Variants in DMD observed in about 807,000 individuals in gnomAD.
DMD encodes mutant dystrophin.
A neutral mutation model predicts 330.1 loss-of-function variants in DMD; 63 were observed. The ratio of observed to expected loss-of-function variants is 0.19; its 90% CI spans 0.16 to 0.24. The LOEUF is 0.24. Ranked by LOEUF, DMD falls within the 10% of genes least tolerant of loss-of-function variation. The probability of loss-of-function intolerance (pLI) is 1.00; values close to 1 mark genes in which losing one functional copy is unlikely to be tolerated. For synonymous variants in DMD, 1,223 were observed against 959.8 expected (o/e 1.27, Z -5.07); for missense variants, 3,344 against 2,684.1 (o/e 1.25, Z -5.43).
intron 76 of DMD, among the ~76,000 whole-genome samples, chrX:31,136,561 T>A (rs947514026): frequency 2.7e-5 from 3 of 111,763 alleles, no homozygotes; most frequent in African/African-American, 9.8e-5. Flanking sequence ...CCTCACTGAA[T>A]AAATCAGAAC....
At chrX:32,052,323 A>G (rs954857096) in intron 44 of DMD, among the ~76,000 whole-genome samples, 2 of 110,885 alleles carry the variant, frequency 1.8e-5, no homozygotes, top group African/African-American at 6.5e-5. Context: ...CTTGACCCCA[A>G]ATGAATCTTA....
chrX:31,190,863 A>G (rs904126753), intron 67 of DMD, among the ~76,000 whole-genome samples: 2 of 111,514 alleles, frequency 1.8e-5, no homozygotes, highest in Non-Finnish European at 3.8e-5. Flanking sequence ...GACTTCCCTG[A>G]GAGTCCTGCA....
At chrX:32,492,369 A>G (rs138738316) in intron 19 of DMD, among the ~76,000 whole-genome samples, 277 of 112,565 alleles carry the variant, frequency 2.5e-3, no homozygotes, top group African/African-American at 8.5e-3. Context: ...AAGAAAAACA[A>G]GTACTAGGAA....
At chrX:31,381,617 G>C (rs1302137926) in intron 60 of DMD, among the ~76,000 whole-genome samples, 2 of 110,696 alleles carry the variant, frequency 1.8e-5, no homozygotes, top group Non-Finnish European at 3.8e-5. Context: ...CTGTATCTCT[G>C]ATCCACCAGA....
intron 77 of DMD, among the ~76,000 whole-genome samples, chrX:31,129,863 A>AT (rs1251292546): frequency 8.9e-6 from 1 of 112,043 alleles, no homozygotes; most frequent in East Asian, 2.8e-4. Context: ...TAAGATTTTA[A>AT]TTTTAAAAGA....
intron 56 of DMD, among the ~76,000 whole-genome samples, chrX:31,503,077 T>A (rs895615517): frequency 8.9e-6 from 1 of 112,089 alleles, no homozygotes; most frequent in African/African-American, 3.2e-5. Flanking sequence ...TAATAATGCA[T>A]GTGGAATGAT....
chrX:32,375,985 A>T (rs1262270595), intron 34 of DMD, among the ~76,000 whole-genome samples: 1 of 111,666 alleles, frequency 9.0e-6, no homozygotes, highest in African/African-American at 3.3e-5. Context: ...TGGCCAGTGT[A>T]AGAAACTCTT....
intron 1 of DMD, among the ~76,000 whole-genome samples, chrX:33,217,134 C>T (rs1159916770): frequency 1.8e-5 from 2 of 111,162 alleles, no homozygotes; most frequent in Non-Finnish European, 3.8e-5. Context: ...CCACAGTGAT[C>T]CATATTGGTT....
At chrX:31,672,398 A>G (rs73455993) in intron 53 of DMD, among the ~76,000 whole-genome samples, 2,054 of 112,076 alleles carry the variant, frequency 0.018, 50 homozygotes, top group African/African-American at 0.063. Context: ...CGCTGTATAG[A>G]TATCTGTTAG....
chrX:32,698,045 C>G (rs765672366), intron 8 of DMD, 47 bp from the exon 9 acceptor site: 1 of 1,144,553 alleles, frequency 8.7e-7, no homozygotes, highest in Non-Finnish European at 1.2e-6. Context: ...GGGGGAAAAA[C>G]CATAAGTAAC....
chrX:31,792,864 G>A (rs2091641054), intron 50 of DMD, among the ~76,000 whole-genome samples: 1 of 111,834 alleles, frequency 8.9e-6, no homozygotes, highest in African/African-American at 3.3e-5. Context: ...CTTTTCACAG[G>A]AGGCAGCTGC....
Position 31,449,763 on chromosome X carries a change from G to GATATATATAT in DMD, c.8938-5146_8938-5137dup, listed in dbSNP as rs59787771. Among the ~76,000 whole-genome samples, 219 of 62,417 alleles carry GATATATATAT rather than the reference G, an allele frequency of 3.5e-3. 1 individual carries two copies. The highest frequency in any genetic ancestry group is 5.1e-3 in the Admixed American group (25 of 4,903). 54.2% of individuals were successfully genotyped at this position (62,417 alleles called of 115,157 possible). A position where few individuals can be genotyped will look rare whatever the true frequency, so the allele number is the denominator to read the frequency against. ...TTATGAGTTTATTTATAAATGGTGT[G>GATATATATAT]ATATATATATATATATATATATATA... On this transcript the variant is annotated intron_variant, in intron 59 of 78. Transcript: ENST00000357033.
intron 29 of DMD, among the ~76,000 whole-genome samples, chrX:32,431,410 T>C (rs937155187): frequency 1.8e-5 from 2 of 111,241 alleles, no homozygotes; most frequent in African/African-American, 6.5e-5. Context: ...CATTTTTAAA[T>C]TGGGTTATAT....
intron 13 of DMD, among the ~76,000 whole-genome samples, chrX:32,575,746 T>C (rs186246802): frequency 8.9e-6 from 1 of 112,026 alleles, no homozygotes; most frequent in African/African-American, 3.2e-5. Flanking sequence ...AACTACACCA[T>C]CTACCTGACG....
intron 7 of DMD, among the ~76,000 whole-genome samples, chrX:32,770,075 C>A (rs774455887): frequency 1.8e-5 from 2 of 111,667 alleles, no homozygotes; most frequent in African/African-American, 6.5e-5. Flanking sequence ...GTTGGTGTAA[C>A]TGAAGGTTAG....
intron 41 of DMD, among the ~76,000 whole-genome samples, chrX:32,330,441 T>A (rs1212223369): frequency 8.9e-6 from 1 of 111,881 alleles, no homozygotes; most frequent in East Asian, 2.8e-4. Context: ...GATTCACAGA[T>A]GGTGCAAGTG....
At chrX:32,686,386 C>T (rs1271300852) in intron 9 of DMD, among the ~76,000 whole-genome samples, 5 of 109,002 alleles carry the variant, frequency 4.6e-5, no homozygotes, top group Non-Finnish European at 9.5e-5. Context: ...GGGGAAACCT[C>T]GTCTCTACTG....
At chrX:32,614,108 G>A (rs2057381581) in intron 12 of DMD, among the ~76,000 whole-genome samples, 195 bp downstream of exon 12, 1 of 110,780 alleles carries the variant, frequency 9.0e-6, no homozygotes, top group African/African-American at 3.3e-5. Context: ...ACAATCACCT[G>A]AATTTTGGAG....
intron 44 of DMD, among the ~76,000 whole-genome samples, chrX:32,037,862 A>G (rs1202867301): frequency 8.9e-6 from 1 of 112,165 alleles, no homozygotes; most frequent in Non-Finnish European, 1.9e-5. Context: ...ATAAACCACT[A>G]TTTATTTTAA....
Sources: gnomAD v4.1 joint callset for allele counts (sites outside exome capture counted in the v4.1 genomes callset) on GRCh38, gnomAD v4.1.1 for gene constraint, MANE v1.5 for transcripts, NCBI Gene and HGNC (gene_info 2026-07-23, HGNC 2026-07-21) for gene names.